ANGEL1: variants seen among roughly 807,000 people sequenced by gnomAD.
ANGEL1 encodes RNA 2',3'-cyclic phosphatase ANGEL1.
In ANGEL1, 62 loss-of-function variants were observed where a neutral mutation model predicts 76.4. That is an observed-to-expected ratio of 0.81 (90% CI 0.66 to 1.00). The LOEUF (loss-of-function observed/expected upper bound fraction) is 1.00, where lower values mean the gene tolerates loss of function less well. Among genes scored for constraint, ANGEL1 ranks in the 50% least tolerant of loss-of-function variants. The pLI is 0.00. For synonymous variants in ANGEL1, 340 were observed against 331.7 expected, an observed-to-expected ratio of 1.03 and a Z score of -0.27; for missense variants, 737 against 836.7, an observed-to-expected ratio of 0.88 and a Z score of 1.47.
At chr14:76,799,700 G>A (rs970917018) in intron 7 of ANGEL1, among the ~76,000 whole-genome samples, 2 of 152,136 alleles carry the variant, frequency 1.3e-5, no homozygotes, top group Non-Finnish European at 2.9e-5. Flanking sequence ...GAGCTCAAGA[G>A]TTCGGGACCA....
At chr14:76,808,907 A>C (rs1426457331) in intron 2 of ANGEL1, 152 bp downstream of exon 2, 1 of 719,050 alleles carries the variant, frequency 1.4e-6, no homozygotes, top group African/African-American at 1.8e-5. Context: ...GATGATCTGT[A>C]AGGACCCTCT....
chr14:76,792,271 T>G (rs559999550), intron 7 of ANGEL1, among the ~76,000 whole-genome samples: 2 of 152,032 alleles, frequency 1.3e-5, no homozygotes, highest in Non-Finnish European at 2.9e-5. Flanking sequence ...TTTTAAAACA[T>G]CCCACAAAGA....
intron 5 of ANGEL1, among the ~76,000 whole-genome samples, chr14:76,805,156 T>C (rs1468931527): frequency 6.6e-6 from 1 of 152,196 alleles, no homozygotes; most frequent in Non-Finnish European, 1.5e-5. Flanking sequence ...CATTATTTTA[T>C]TTAATCCACC....
chr14:76,798,690 G>A (rs1241467082), intron 7 of ANGEL1, among the ~76,000 whole-genome samples: 1 of 151,962 alleles, frequency 6.6e-6, no homozygotes, highest in Non-Finnish European at 1.5e-5. Context: ...GTTCACACCT[G>A]TAATCCCAGC....
At position 76,803,352 on chromosome 14, in the gene ANGEL1, T is replaced by C; in HGVS notation, c.1618+19A>G. On this transcript the variant is annotated intron_variant, in intron 7 of 9. Coordinates refer to ENST00000251089, the MANE Select transcript of ANGEL1 (RefSeq NM_015305.4). ...TGAGGAAGAAAGAAGACCAAGAAAC[T>C]GGGATTAGTTCCCATTACCTGGCTT... 1 of 1,591,420 alleles carries C rather than the reference T, an allele frequency of 6.3e-7. No individual in the cohort carries two copies. Among genetic ancestry groups the C allele is most frequent in the Non-Finnish European group, 8.6e-7 (1 of 1,161,298 alleles).
chr14:76,789,717 T>C (rs1361285420), intron 9 of ANGEL1, among the ~76,000 whole-genome samples: 1 of 150,538 alleles, frequency 6.6e-6, no homozygotes, highest in East Asian at 1.9e-4. Context: ...TTTTTTTAGA[T>C]GGAGTCTTAC....
intron 1 of ANGEL1, among the ~76,000 whole-genome samples, chr14:76,811,290 C>T (rs143541877): frequency 5.3e-5 from 8 of 152,278 alleles, no homozygotes; most frequent in African/African-American, 1.9e-4. Flanking sequence ...GAGCTTTAGC[C>T]TCAAGGACTT....
chr14:76,810,636 A>G (rs777055825), intron 1 of ANGEL1, among the ~76,000 whole-genome samples: 20 of 152,232 alleles, frequency 1.3e-4, no homozygotes, highest in Non-Finnish European at 2.8e-4. Flanking sequence ...TACTTATTGT[A>G]ATAAAATCTT....
intron 2 of ANGEL1, among the ~76,000 whole-genome samples, chr14:76,808,503 G>A (rs1894988083): frequency 6.8e-6 from 1 of 148,002 alleles, no homozygotes; most frequent in Non-Finnish European, 1.5e-5. Context: ...GACATTTTTA[G>A]AGTAATTGCA....
intron 8 of ANGEL1, 67 bp downstream of exon 8, chr14:76,791,230 T>A: frequency 6.4e-7 from 1 of 1,550,410 alleles, no homozygotes; most frequent in South Asian, 1.1e-5. Context: ...GGACAACCAA[T>A]GGGAATCTCT....
chr14:76,812,451 T>C (rs1456797058), intron 1 of ANGEL1: 22 of 1,171,174 alleles, frequency 1.9e-5, no homozygotes, highest in Non-Finnish European at 2.2e-5. Flanking sequence ...GACCCCACAA[T>C]TTCTCTGCAC....
At chr14:76,790,462 A>G in intron 9 of ANGEL1, 149 bp downstream of exon 9, 2 of 1,359,008 alleles carry the variant, frequency 1.5e-6, no homozygotes, top group Non-Finnish European at 1.9e-6. Flanking sequence ...GGGGAGAATG[A>G]TAAGGATGAC....
chr14:76,806,696 A>G lies in ANGEL1; in HGVS notation c.1100T>C (p.Val367Ala). The change falls in exon 5 of 10, where the codon GTG (valine) becomes GCG (alanine). Residue 367 changes from valine to alanine, a missense_variant. Val to Ala is a moderately conservative substitution (Grantham distance 64). Around this residue, in one of 2 missense-constraint regions of ANGEL1, gnomAD observed 296 missense variants for 387.2 expected, o/e 0.76. Coordinates refer to ENST00000251089, the MANE Select transcript of ANGEL1 (RefSeq NM_015305.4). Reference protein sequence around the residue: ...ELLNRDNVGLVLLLQPLVPEG... With the variant: ...ELLNRDNVGLALLLQPLVPEG... ...TGGGACGAGTGGTTGCAGTAGCAAC[A>G]CTAAGCCCACATTATCCCGATTAAG... 6.2e-7 allele frequency: 1 copy of G among 1,614,028 alleles called. No individual in the cohort carries two copies. Among genetic ancestry groups the G allele is most frequent in the Non-Finnish European group, 8.5e-7 (1 of 1,180,006 alleles).
intron 9 of ANGEL1, among the ~76,000 whole-genome samples, chr14:76,790,260 A>G (rs992107834): frequency 1.3e-5 from 2 of 152,174 alleles, no homozygotes; most frequent in Non-Finnish European, 2.9e-5. Context: ...GCCCACTGGT[A>G]TGGGGAGAGG....
intron 7 of ANGEL1, among the ~76,000 whole-genome samples, chr14:76,798,078 C>A (rs567172847): frequency 4.0e-5 from 6 of 151,372 alleles, no homozygotes; most frequent in Non-Finnish European, 8.8e-5. Context: ...GAAGATGATG[C>A]TCATGAACCA....
chr14:76,788,163 G>A lies in ANGEL1; in HGVS notation c.*1065C>T, dbSNP rs1298374457. On this transcript the variant is annotated 3_prime_UTR_variant, in exon 10 of 10. Coordinates refer to ENST00000251089, the MANE Select transcript of ANGEL1 (RefSeq NM_015305.4). ...GGTGGAAGGAGAGGAACAGAAAATTGCTTCTTAGGAGTGGAGAGGAAAGAG... is the reference window on the plus strand; with the variant it reads ...GGTGGAAGGAGAGGAACAGAAAATTACTTCTTAGGAGTGGAGAGGAAAGAG... The A allele has an allele frequency of 6.6e-6, 1 of 152,236 alleles. No individual in the cohort carries two copies. Among genetic ancestry groups the A allele is most frequent in the Non-Finnish European group, 1.5e-5 (1 of 68,060 alleles). The allele number at this position is 152,236 out of a possible 1,614,324, so 9.4% of individuals were successfully genotyped here.
chr14:76,791,579 G>A (rs1250149706), intron 7 of ANGEL1, among the ~76,000 whole-genome samples: 3 of 152,108 alleles, frequency 2.0e-5, no homozygotes, highest in Non-Finnish European at 4.4e-5. Flanking sequence ...CACAGACATT[G>A]TCTTCTGTGG....
intron 7 of ANGEL1, among the ~76,000 whole-genome samples, chr14:76,799,298 TTTTTTTTTTTTTTG>T: frequency 8.5e-6 from 1 of 117,006 alleles, no homozygotes; most frequent in Non-Finnish European, 1.9e-5. Flanking sequence ...TTTTTTTTTT[TTTTTTTTTTTTTTG>T]AGACACAGTC....
chr14:76,802,763 A>G (rs1595303372), intron 7 of ANGEL1, among the ~76,000 whole-genome samples: 1 of 152,026 alleles, frequency 6.6e-6, no homozygotes, highest in Non-Finnish European at 1.5e-5. Flanking sequence ...ATCCCCACAG[A>G]TAAGTCTCTC....
Sources: allele counts gnomAD v4.1 joint callset (sites outside exome capture counted in the v4.1 genomes callset), GRCh38; gene constraint gnomAD v4.1.1; regional missense constraint gnomAD v4.1.1; transcripts MANE v1.5; gene names NCBI Gene and HGNC (gene_info 2026-07-23, HGNC 2026-07-21).